Variants in SH2D3A observed in about 807,000 individuals in gnomAD.
SH2D3A encodes the protein SH2 domain-containing protein 3A.
Under a neutral mutation model 50.6 loss-of-function variants are expected in SH2D3A, and 46 were observed. The ratio of observed to expected loss-of-function variants is 0.91; its 90% CI spans 0.72 to 1.16. The LOEUF is 1.16. SH2D3A is among the 50% of genes most tolerant of loss of function. The probability of loss-of-function intolerance (pLI) is 0.00; values close to 1 mark genes in which losing one functional copy is unlikely to be tolerated. For missense variants in SH2D3A, 783 were observed against 786.2 expected, an observed-to-expected ratio of 1.00 and a Z score of 0.05; for synonymous variants, 377 against 348.4, an observed-to-expected ratio of 1.08 and a Z score of -0.91.
intron 8 of SH2D3A, 25 bp from the exon 9 acceptor site, chr19:6,753,666 G>T: frequency 6.5e-7 from 1 of 1,530,334 alleles, no homozygotes. Flanking sequence ...GGTCTGATCA[G>T]GGTTTGGGGC....
chr19:6,755,785 T>C (rs1969633223), intron 4 of SH2D3A, among the ~76,000 whole-genome samples: 1 of 152,014 alleles, frequency 6.6e-6, no homozygotes, highest in African/African-American at 2.4e-5. Context: ...ATTAAAAATT[T>C]TTTTAAAAAA....
chr19:6,762,913 T>C (rs1970109166), intron 2 of SH2D3A, among the ~76,000 whole-genome samples: 1 of 152,088 alleles, frequency 6.6e-6, no homozygotes, highest in Admixed American at 6.6e-5. Context: ...GGGTTTGGAT[T>C]TGAACCTAGG....
intron 9 of SH2D3A, chr19:6,753,049 G>A: frequency 3.0e-6 from 3 of 985,362 alleles, no homozygotes; most frequent in South Asian, 4.7e-5. Context: ...GGGCTGCCCC[G>A]AGGACGGGAT....
At chr19:6,759,112 A>G (rs959307045) in intron 4 of SH2D3A, 1 of 161,946 alleles carries the variant, frequency 6.2e-6, no homozygotes, top group Admixed American at 6.0e-5. Context: ...GAATAATTGT[A>G]AACACTTTTT....
At chr19:6,754,576 A>G (rs374626342) in intron 6 of SH2D3A, 40 bp downstream of exon 6, 51 of 1,609,900 alleles carry the variant, frequency 3.2e-5, no homozygotes, top group Non-Finnish European at 4.2e-5. Flanking sequence ...AGTGGGGGGA[A>G]TTGGCCTCCC....
At chr19:6,763,090 G>C (rs1284337280) in intron 2 of SH2D3A, among the ~76,000 whole-genome samples, 1 of 151,996 alleles carries the variant, frequency 6.6e-6, no homozygotes, top group Admixed American at 6.6e-5. Flanking sequence ...TTTTGACAGA[G>C]TCTCGCTCTG....
rs1215199536 is a variant in SH2D3A at position 6,754,241 on chromosome 19, C to T, written c.1272+10G>A. The T allele has an allele frequency of 6.2e-7, 1 of 1,602,576 alleles. No homozygotes were observed. On this transcript the variant is annotated intron_variant, in intron 7 of 9. Transcript: ENST00000245908. ...ACTCCAGCTTCCTCCAGTCCCTGCT[C>T]CCCACGAACCTGGGGCATGAGCAGG...
At chr19:6,754,509 C>G in intron 6 of SH2D3A, 84 bp from the exon 7 acceptor site, 2 of 1,563,060 alleles carry the variant, frequency 1.3e-6, no homozygotes, top group Non-Finnish European at 1.7e-6. Flanking sequence ...TGGCATTGCC[C>G]CATCTCCCTT....
At chr19:6,764,895 T>TTTTTTG (rs1970225526) in intron 1 of SH2D3A, among the ~76,000 whole-genome samples, 1 of 146,620 alleles carries the variant, frequency 6.8e-6, no homozygotes. Context: ...TTTTTTTTTT[T>TTTTTTG]GAGATCAAGT....
At chr19:6,752,882 T>G (rs1969399383) in intron 9 of SH2D3A, 129 bp from the exon 10 acceptor site, 1 of 1,396,580 alleles carries the variant, frequency 7.2e-7, no homozygotes, top group Non-Finnish European at 9.3e-7. Flanking sequence ...CTGCCCCACC[T>G]GCGGGATGAC....
chr19:6,753,779 GC>G, intron 8 of SH2D3A, 138 bp from the exon 9 acceptor site: 4 of 1,006,504 alleles, frequency 4.0e-6, no homozygotes, highest in South Asian at 3.6e-5. Context: ...AGGACCACAC[GC>G]CCCGTATGGA....
intron 1 of SH2D3A, among the ~76,000 whole-genome samples, chr19:6,766,969 ACAT>A (rs1331463516): frequency 6.6e-6 from 1 of 152,148 alleles, no homozygotes; most frequent in African/African-American, 2.4e-5. Flanking sequence ...TTTACATTTT[ACAT>A]CATCAAGGCG....
At position 6,760,970 on chromosome 19, in the gene SH2D3A, A is replaced by C. The variant is rs761602238; in HGVS notation, c.87T>G (p.Leu29=). Residue 29 remains leucine (L), a synonymous_variant, in exon 3 of 10, where the codon CTT becomes CTG. Coordinates refer to ENST00000245908, the MANE Select transcript of SH2D3A (RefSeq NM_005490.3). ...LLSRQKAEAL[L]QQNGDFLVRA... Reference sequence around the variant, plus strand: ...GAACCAGGAAGTCGCCATTTTGCTGAAGAAGAGCTTCAGCCTTCTGTGGAT... The same window carrying C: ...GAACCAGGAAGTCGCCATTTTGCTGCAGAAGAGCTTCAGCCTTCTGTGGAT... The C allele has an allele frequency of 3.7e-6, 6 of 1,610,816 alleles. No homozygotes were observed. The highest frequency in any genetic ancestry group is 5.1e-6 in the Non-Finnish European group (6 of 1,178,128).
In SH2D3A at chr19:6,754,373, G is replaced by GC. The variant is rs774057425; in HGVS notation, c.1149dup (p.Pro384AlafsTer64). On this transcript the variant is annotated frameshift_variant, in exon 7 of 10. Transcript: ENST00000245908. LOFTEE classifies it high-confidence loss of function. ...AGTGCGGCTGCGCGCTCCTCCAGCG[G>GC]CCCCGAGCAGCCCAGCACCGCCAGC... The GC allele has an allele frequency of 5.5e-5, 85 of 1,552,198 alleles. No individual in the cohort carries two copies. The highest frequency in any genetic ancestry group is 6.9e-5 in the Non-Finnish European group (80 of 1,157,534).
intron 4 of SH2D3A, among the ~76,000 whole-genome samples, chr19:6,757,111 C>T (rs1568265440): frequency 6.6e-6 from 1 of 151,910 alleles, no homozygotes; most frequent in African/African-American, 2.4e-5. Context: ...GTGATCCGCC[C>T]GCTTTGGCCT....
chr19:6,760,937 A>G lies in SH2D3A; in HGVS notation c.120T>C (p.Ser40=), dbSNP rs1263589507. Residue 40 remains serine (S), a synonymous_variant, in exon 3 of 10, where the codon TCT becomes TCC. Transcript: ENST00000245908. ...TCACGGGGTTGCCCCCACGGGACCCAGAGGCGCGAACCAGGAAGTCGCCAT... is the reference window on the plus strand; with the variant it reads ...TCACGGGGTTGCCCCCACGGGACCCGGAGGCGCGAACCAGGAAGTCGCCAT... ...QQNGDFLVRA[S]GSRGGNPVIS... 1.2e-6 allele frequency: 2 copies of G among 1,613,818 alleles called. No individual in the cohort carries two copies. Among genetic ancestry groups the G allele is most frequent in the South Asian group, 1.1e-5 (1 of 91,040 alleles).
intron 2 of SH2D3A, 46 bp from the exon 3 acceptor site, chr19:6,761,033 G>A: frequency 6.8e-7 from 1 of 1,464,990 alleles, no homozygotes; most frequent in Non-Finnish European, 9.3e-7. Flanking sequence ...ATGAGTCCAG[G>A]GCAGTGGTTA....
rs781676135 is a variant in SH2D3A at position 6,760,865 on chromosome 19, A to G, written c.192T>C (p.Arg64=). The part of the protein sequence containing the change: ...RGSALHFEVF[R]VALRPRPGRP... ...GGCCTGGCCGGGGACGCAGGGCCAC[A>G]CGGAACACCTCAAAATGGAGGGCTG... The change falls in exon 3 of 10, where the codon CGT becomes CGC. Residue 64 remains arginine, a synonymous_variant. Coordinates refer to ENST00000245908, the MANE Select transcript of SH2D3A (RefSeq NM_005490.3). The G allele has an allele frequency of 1.2e-6, 2 of 1,614,122 alleles. No homozygotes were observed. The highest frequency in any genetic ancestry group is 2.2e-5 in the South Asian group (2 of 91,094).
chr19:6,753,940 G>T (rs1969485996), intron 8 of SH2D3A, 112 bp downstream of exon 8: 2 of 1,317,778 alleles, frequency 1.5e-6, no homozygotes, highest in Non-Finnish European at 1.0e-6. Context: ...GGGGCCTATG[G>T]TGAAGGGACC....
Sources: gnomAD v4.1 joint callset for allele counts (sites outside exome capture counted in the v4.1 genomes callset) on GRCh38, gnomAD v4.1.1 for gene constraint, MANE v1.5 for transcripts, NCBI Gene and HGNC (gene_info 2026-07-23, HGNC 2026-07-21) for gene names.